The following LGR5 variants were observed in gnomAD, a reference collection of about 807,000 sequenced individuals.
LGR5 encodes leucine-rich repeat-containing G protein-coupled receptor 5.
In LGR5, 54 loss-of-function variants were observed where a neutral mutation model predicts 76.7. The observed-to-expected ratio is 0.70, with a 90% CI of 0.57 to 0.88. The LOEUF (loss-of-function observed/expected upper bound fraction) is 0.88. LGR5 is among the 40% of genes least tolerant of loss of function. The pLI is 0.00. For missense variants in LGR5, 1,078 were observed against 1,073.3 expected, an observed-to-expected ratio of 1.00 and a Z score of -0.06; for synonymous variants, 406 against 421.9, an observed-to-expected ratio of 0.96 and a Z score of 0.46.
intron 1 of LGR5, among the ~76,000 whole-genome samples, chr12:71,498,130 T>TGGGGGTA (rs1288982312): frequency 6.6e-6 from 1 of 152,068 alleles, no homozygotes; most frequent in East Asian, 1.9e-4. Context: ...CACCTTTCAA[T>TGGGGGTA]GAATGAGAAT....
At chr12:71,526,649 T>A (rs1876020015) in intron 3 of LGR5, among the ~76,000 whole-genome samples, 1 of 152,158 alleles carries the variant, frequency 6.6e-6, no homozygotes. Flanking sequence ...GGGACCAAGA[T>A]AGTGGGACGA....
rs567608919 is a variant in LGR5, at chr12:71,529,204, C to A, written c.356+4727C>A. On this transcript the variant is annotated intron_variant, in intron 3 of 17. Coordinates refer to ENST00000266674, the MANE Select transcript of LGR5 (RefSeq NM_003667.4). ...TACATATCGTATTAGTCCATTTTCACACTGCTGTAAAGAACTACCTGAGAC... is the reference window on the plus strand; with the variant it reads ...TACATATCGTATTAGTCCATTTTCAAACTGCTGTAAAGAACTACCTGAGAC... Among the ~76,000 whole-genome samples the A allele has an allele frequency of 5.3e-5, 8 of 152,276 alleles. No individual in the cohort carries two copies. In the South Asian group the frequency reaches 1.7e-3, roughly 32 times the overall value.
At chr12:71,560,933 C>G (rs1054663708) in intron 7 of LGR5, among the ~76,000 whole-genome samples, 1 of 152,116 alleles carries the variant, frequency 6.6e-6, no homozygotes, top group African/African-American at 2.4e-5. Context: ...TGACTTTCAG[C>G]CATTGGTTTG....
intron 1 of LGR5, among the ~76,000 whole-genome samples, chr12:71,457,349 A>G (rs1190020239): frequency 6.6e-6 from 1 of 152,132 alleles, no homozygotes; most frequent in African/African-American, 2.4e-5. Flanking sequence ...ATTCTAATCA[A>G]CCATGATCTG....
intron 7 of LGR5, among the ~76,000 whole-genome samples, chr12:71,560,499 T>C (rs998136072): frequency 2.6e-5 from 4 of 152,122 alleles, no homozygotes; most frequent in African/African-American, 9.7e-5. Context: ...CACATATAAG[T>C]GGAGCCATGC....
At chr12:71,452,626 T>C (rs774963616) in intron 1 of LGR5, among the ~76,000 whole-genome samples, 13 of 152,386 alleles carry the variant, frequency 8.5e-5, no homozygotes, top group Non-Finnish European at 1.5e-4. Context: ...CAAAAAGTGC[T>C]GTTGATGCTT....
chr12:71,566,799 A>T, intron 10 of LGR5, 42 bp from the exon 11 acceptor site: 1 of 1,588,796 alleles, frequency 6.3e-7, no homozygotes, highest in Non-Finnish European at 8.6e-7. Context: ...TCACTGTGTG[A>T]TGCCTGAATG....
intron 8 of LGR5, among the ~76,000 whole-genome samples, chr12:71,562,221 A>T (rs1878096946): frequency 6.6e-6 from 1 of 152,214 alleles, no homozygotes. Flanking sequence ...ATAAATTATT[A>T]TATACAAATG....
chr12:71,545,861 A>T (rs552487735), intron 4 of LGR5, among the ~76,000 whole-genome samples: 47 of 152,338 alleles, frequency 3.1e-4, no homozygotes, highest in African/African-American at 1.1e-3. Flanking sequence ...CAATAACACC[A>T]TTTATAAGTG....
At chr12:71,575,720 A>ATGTG (rs1348350211) in intron 13 of LGR5, among the ~76,000 whole-genome samples, 168 of 122,810 alleles carry the variant, frequency 1.4e-3, no homozygotes, top group African/African-American at 6.6e-3. Context: ...CAAAAAATAT[A>ATGTG]TATGTGTGTG....
intron 2 of LGR5, among the ~76,000 whole-genome samples, chr12:71,506,040 T>C (rs1874841575): frequency 6.6e-6 from 1 of 152,174 alleles, no homozygotes. Flanking sequence ...AAGCAAAATA[T>C]GTAAAAGGAG....
rs1877955165 is a variant in LGR5 at position 71,559,594 on chromosome 12, A to G, written c.725A>G (p.Asn242Ser). ...TATGTACTCATTTTCAGAGATTTAA[A>G]TTACAATAACCTTGATGAATTCCCC... The part of the protein sequence containing the change: ...GLHSLETLDL[N>S]YNNLDEFPTA... Residue 242 changes from asparagine to serine, a missense_variant, in exon 7 of 18, where the codon AAT becomes AGT. Physicochemically the swap from Asn to Ser is conservative, Grantham distance 46. Transcript: ENST00000266674. 6.4e-7 allele frequency: 1 copy of G among 1,552,106 alleles called. No homozygotes were observed.
intron 4 of LGR5, among the ~76,000 whole-genome samples, chr12:71,552,416 T>A (rs1460306488): frequency 2.0e-5 from 3 of 151,636 alleles, no homozygotes; most frequent in African/African-American, 7.3e-5. Flanking sequence ...AATGTAAAAA[T>A]TAGCCAGGTG....
At position 71,537,749 on chromosome 12, in the gene LGR5, A is replaced by ATTCTC. The variant is rs370024213; in HGVS notation, c.428+2564_428+2568dup. On this transcript the variant is annotated intron_variant, in intron 4 of 17. Coordinates refer to ENST00000266674, the MANE Select transcript of LGR5 (RefSeq NM_003667.4). Reference sequence around the variant, plus strand: ...CATTACAAACATGCATTCCTTATCCATTCTCCATTCATTTTCCAGGCCATA... The same window carrying ATTCTC: ...CATTACAAACATGCATTCCTTATCCATTCTCTTCTCCATTCATTTTCCAGGCCATA... 3.9e-3 allele frequency among the ~76,000 whole-genome samples: 588 copies of ATTCTC among 152,246 alleles called. 7 individuals are homozygous for ATTCTC. Among genetic ancestry groups the ATTCTC allele is most frequent in the African/African-American group, 0.013 (529 of 41,538 alleles).
At chr12:71,458,965 G>A (rs575381478) in intron 1 of LGR5, among the ~76,000 whole-genome samples, 2 of 152,068 alleles carry the variant, frequency 1.3e-5, no homozygotes, top group African/African-American at 4.8e-5. Flanking sequence ...TCTGAAACTT[G>A]GAGGATGAGT....
At chr12:71,529,593 G>A (rs1876198265) in intron 3 of LGR5, among the ~76,000 whole-genome samples, 1 of 152,114 alleles carries the variant, frequency 6.6e-6, no homozygotes, top group South Asian at 2.1e-4. Context: ...CTACTCTCAT[G>A]TTCCCATTCT....
intron 8 of LGR5, among the ~76,000 whole-genome samples, chr12:71,563,917 T>C (rs1443645868): frequency 6.6e-6 from 1 of 151,850 alleles, no homozygotes; most frequent in Non-Finnish European, 1.5e-5. Context: ...TATACATATA[T>C]ACATATATAT....
intron 3 of LGR5, among the ~76,000 whole-genome samples, chr12:71,532,705 G>A (rs1876381824): frequency 6.6e-6 from 1 of 152,068 alleles, no homozygotes; most frequent in Non-Finnish European, 1.5e-5. Flanking sequence ...AAGACCAAGG[G>A]TCAGGAGGTT....
intron 1 of LGR5, among the ~76,000 whole-genome samples, chr12:71,449,756 T>A (rs919741805): frequency 6.6e-6 from 1 of 152,230 alleles, no homozygotes; most frequent in Non-Finnish European, 1.5e-5. Flanking sequence ...ATGTTAATTA[T>A]AATAAACTTA....
Sources: allele counts gnomAD v4.1 joint callset (sites outside exome capture counted in the v4.1 genomes callset), GRCh38; gene constraint gnomAD v4.1.1; transcripts MANE v1.5; gene names NCBI Gene and HGNC (gene_info 2026-07-23, HGNC 2026-07-21).